Variants in BCL2 observed in about 807,000 individuals in gnomAD.
BCL2 encodes the protein BCL2 apoptosis regulator.
In BCL2, 1 loss-of-function variant was observed where a neutral mutation model predicts 14.2. The observed-to-expected ratio is 0.07, with a 90% confidence interval of 0.02 to 0.33. BCL2 has a LOEUF of 0.33. BCL2 is among the 10% of genes least tolerant of loss of function. The pLI, the probability that BCL2 is intolerant of heterozygous loss-of-function variation, is 0.99. For synonymous variants in BCL2, 151 were observed against 137.2 expected (o/e 1.10, Z -0.70); for missense variants, 247 against 305.9 (o/e 0.81, Z 1.44).
At chr18:63,176,582 T>G (rs757088775) in intron 2 of BCL2, among the ~76,000 whole-genome samples, 2 of 152,214 alleles carry the variant, frequency 1.3e-5, no homozygotes, top group Non-Finnish European at 2.9e-5. Flanking sequence ...GCAAGGGCAG[T>G]AATAGTCTTT....
At chr18:63,151,587 C>A (rs1297917819) in intron 2 of BCL2, among the ~76,000 whole-genome samples, 1 of 152,032 alleles carries the variant, frequency 6.6e-6, no homozygotes, top group Non-Finnish European at 1.5e-5. Flanking sequence ...AATGGCTTGG[C>A]CCGACTTTGT....
chr18:63,128,577 T>G lies in BCL2; in HGVS notation c.*48A>C, dbSNP rs768697984. ...CACTGACAATGCATATTATTTCTAC[T>G]GCTTTAGTGAACCTTTTGCATATTT... On this transcript the variant is annotated 3_prime_UTR_variant, in exon 3 of 3. Coordinates refer to ENST00000333681, the MANE Select transcript of BCL2 (RefSeq NM_000633.3). The G allele has an allele frequency of 1.3e-6, 1 of 768,820 alleles. No homozygotes were observed. Among genetic ancestry groups the G allele is most frequent in the Non-Finnish European group, 2.4e-6 (1 of 410,760 alleles). 47.6% of individuals were successfully genotyped at this position (768,820 alleles called of 1,614,324 possible).
Position 63,149,164 on chromosome 18 carries a change from A to T in BCL2, c.586-20405T>A, listed in dbSNP as rs150012476. Among the ~76,000 whole-genome samples the T allele has an allele frequency of 4.0e-3, 610 of 152,318 alleles. 1 individual carries two copies. Among genetic ancestry groups the T allele is most frequent in the African/African-American group, 0.014 (586 of 41,582 alleles). On this transcript the variant is annotated intron_variant, in intron 2 of 2. Transcript: ENST00000333681. The surrounding 1 kb of genome is among the most constrained non-coding windows in gnomAD (Gnocchi z 4.2). ...GTCAGCAGTCCACAACCTTTTTGGC[A>T]CCAGGGACGTGTTTTGTGGAGGACA...
intron 2 of BCL2, among the ~76,000 whole-genome samples, chr18:63,240,732 A>C (rs965074592): frequency 6.6e-6 from 1 of 152,248 alleles, no homozygotes; most frequent in Non-Finnish European, 1.5e-5. Flanking sequence ...ACAGCAATTT[A>C]GCTATTTCTT....
chr18:63,135,793 C>T (rs1175494394), intron 2 of BCL2, among the ~76,000 whole-genome samples: 3 of 152,198 alleles, frequency 2.0e-5, no homozygotes, highest in Admixed American at 6.5e-5. Flanking sequence ...TCCACCCTAA[C>T]CATTATCTTC....
At chr18:63,152,057 G>T (rs377131593) in intron 2 of BCL2, among the ~76,000 whole-genome samples, 19 of 152,246 alleles carry the variant, frequency 1.2e-4, no homozygotes, top group African/African-American at 4.3e-4. Flanking sequence ...TTCGAGTAGG[G>T]GATTGAGCAG....
intron 2 of BCL2, among the ~76,000 whole-genome samples, chr18:63,294,179 A>G (rs1362711551): frequency 1.3e-5 from 2 of 151,976 alleles, no homozygotes; most frequent in African/African-American, 2.4e-5. Context: ...AGCTCTGCCA[A>G]TCTTTTCATT....
At chr18:63,169,246 G>GTTT (rs1354766461) in intron 2 of BCL2, among the ~76,000 whole-genome samples, 1 of 131,208 alleles carries the variant, frequency 7.6e-6, no homozygotes, top group Non-Finnish European at 1.6e-5. Context: ...TCCCCTTCGT[G>GTTT]TTTTTCTTTC....
intron 2 of BCL2, among the ~76,000 whole-genome samples, chr18:63,309,058 C>G (rs1461428933): frequency 1.3e-5 from 2 of 152,208 alleles, no homozygotes; most frequent in African/African-American, 2.4e-5. Context: ...AGTTGAAGTA[C>G]TCATTAAGTT....
chr18:63,223,409 A>T (rs1325115803), intron 2 of BCL2, among the ~76,000 whole-genome samples: 2 of 126,162 alleles, frequency 1.6e-5, no homozygotes, highest in African/African-American at 5.2e-5. Context: ...CAAAAAAAAA[A>T]AATAAATAAA....
intron 2 of BCL2, among the ~76,000 whole-genome samples, chr18:63,152,006 AG>A (rs1335991356): frequency 2.0e-5 from 3 of 152,226 alleles, no homozygotes; most frequent in Non-Finnish European, 2.9e-5. Flanking sequence ...AGCAGTTGGC[AG>A]GACAGTTTTG....
Position 63,128,609 on chromosome 18 carries a change from G to A in BCL2, c.*16C>T, listed in dbSNP as rs1400010646. The A allele has an allele frequency of 3.8e-6, 3 of 779,992 alleles. No individual in the cohort carries two copies. The highest frequency in any genetic ancestry group is 7.2e-6 in the Non-Finnish European group (3 of 417,600). 48.3% of individuals were successfully genotyped at this position (779,992 alleles called of 1,614,324 possible). A position where few individuals can be genotyped will look rare whatever the true frequency, so the allele number is the denominator to read the frequency against. On this transcript the variant is annotated 3_prime_UTR_variant, in exon 3 of 3. Coordinates refer to ENST00000333681, the MANE Select transcript of BCL2 (RefSeq NM_000633.3). Reference sequence around the variant, plus strand: ...GTGAACCTTTTGCATATTTGTTTGGGGCAGGCATGTTGACTTCACTTGTGG... The same window carrying A: ...GTGAACCTTTTGCATATTTGTTTGGAGCAGGCATGTTGACTTCACTTGTGG...
chr18:63,153,368 C>G (rs1010793651), intron 2 of BCL2, among the ~76,000 whole-genome samples: 5 of 152,238 alleles, frequency 3.3e-5, no homozygotes, highest in African/African-American at 1.2e-4. Context: ...TCATTCCTCT[C>G]TCATTTTTGC....
rs967039432 is a variant in BCL2, at chr18:63,285,604, G to A, written c.585+32478C>T. Among the ~76,000 whole-genome samples the A allele has an allele frequency of 5.3e-5, 8 of 152,306 alleles. 1 individual carries two copies. The highest frequency in any genetic ancestry group is 1.9e-4 in the African/African-American group (8 of 41,560). The stretch of plus-strand genomic sequence containing the variant: ...TGGGGGATGTGTTCAGGAGGCTTCT[G>A]CCAGCCATGGACTGAACATATGTCA... On this transcript the variant is annotated intron_variant, in intron 2 of 2. Transcript: ENST00000333681.
At chr18:63,244,427 C>T (rs771692215) in intron 2 of BCL2, among the ~76,000 whole-genome samples, 5 of 151,808 alleles carry the variant, frequency 3.3e-5, no homozygotes, top group South Asian at 4.2e-4. Flanking sequence ...GGCATGGTGA[C>T]GGGTGCCTGT....
chr18:63,278,456 T>C (rs1161902333), intron 2 of BCL2, among the ~76,000 whole-genome samples: 3 of 152,240 alleles, frequency 2.0e-5, no homozygotes, highest in Non-Finnish European at 4.4e-5. Context: ...CTAGTTTTAG[T>C]GAAAATTCTC....
chr18:63,272,226 A>G (rs1057195744), intron 2 of BCL2, among the ~76,000 whole-genome samples: 1 of 152,178 alleles, frequency 6.6e-6, no homozygotes, highest in Admixed American at 6.5e-5. Flanking sequence ...CCCTCCCAAG[A>G]GTTGTGATGC....
chr18:63,246,900 A>T lies in BCL2; in HGVS notation c.585+71182T>A, dbSNP rs1911165861. Among the ~76,000 whole-genome samples the T allele has an allele frequency of 2.6e-5, 4 of 152,348 alleles. No homozygotes were observed. In the South Asian group the frequency reaches 8.3e-4, roughly 32 times the overall value. Reference sequence around the variant, plus strand: ...TCTTAGACAATGGTGATTGTCAAACATGCAGATCATTATTAAATAGCCTCA... The same window carrying T: ...TCTTAGACAATGGTGATTGTCAAACTTGCAGATCATTATTAAATAGCCTCA... On this transcript the variant is annotated intron_variant, in intron 2 of 2. Transcript: ENST00000333681.
chr18:63,205,878 T>G (rs950558943), intron 2 of BCL2, among the ~76,000 whole-genome samples: 9 of 152,104 alleles, frequency 5.9e-5, no homozygotes, highest in Non-Finnish European at 1.3e-4. Flanking sequence ...CCAGAGAATT[T>G]GACACTCAAG....
Sources: gnomAD v4.1 joint callset for allele counts (sites outside exome capture counted in the v4.1 genomes callset) on GRCh38, gnomAD v4.1.1 for gene constraint, Gnocchi (gnomAD v3.1) non-coding constraint, MANE v1.5 for transcripts, NCBI Gene and HGNC (gene_info 2026-07-23, HGNC 2026-07-21) for gene names.